The following XPNPEP3 variants were observed in gnomAD, a reference collection of about 807,000 sequenced individuals.
XPNPEP3 encodes xaa-Pro aminopeptidase 3.
XPNPEP3 carries 41 observed loss-of-function variants against 60.0 expected under a neutral mutation model. The ratio of observed to expected loss-of-function variants is 0.68; its 90% CI spans 0.53 to 0.89. The LOEUF (loss-of-function observed/expected upper bound fraction) is 0.89. Among genes scored for constraint, XPNPEP3 ranks in the 40% least tolerant of loss-of-function variants. The probability of loss-of-function intolerance (pLI) is 0.00; values close to 1 mark genes in which losing one functional copy is unlikely to be tolerated. For synonymous variants in XPNPEP3, 212 were observed against 223.2 expected (o/e 0.95, Z 0.45); for missense variants, 598 against 638.9 (o/e 0.94, Z 0.69).
chr22:40,898,765 G>A (rs1202534034), intron 4 of XPNPEP3, among the ~76,000 whole-genome samples: 1 of 152,054 alleles, frequency 6.6e-6, no homozygotes, highest in Non-Finnish European at 1.5e-5. Flanking sequence ...AGTTCATGCT[G>A]GTGGATGCCT....
In XPNPEP3 at chr22:40,907,636, T is replaced by G; in HGVS notation, c.842T>G (p.Phe281Cys). The G allele has an allele frequency of 6.2e-7, 1 of 1,613,980 alleles. No homozygotes were observed. The highest frequency in any genetic ancestry group is 1.3e-5 in the African/African-American group (1 of 75,040). The change falls in exon 5 of 10, where the codon TTT becomes TGT. Residue 281 changes from phenylalanine to cysteine, a missense_variant. Physicochemically the swap from Phe to Cys is radical, Grantham distance 205. Transcript: ENST00000357137. ...FTSKAPVEEAFLYAKFEFECR... is the reference protein window; with the variant it reads ...FTSKAPVEEACLYAKFEFECR... ...AGTAAAGCCCCTGTGGAAGAAGCCT[T>G]TCTTTATGCTAAGGTGAGATTCAGA... is the stretch of plus-strand genomic sequence containing the variant.
intron 2 of XPNPEP3, among the ~76,000 whole-genome samples, chr22:40,876,767 A>G (rs910943840): frequency 3.3e-5 from 5 of 152,240 alleles, no homozygotes; most frequent in African/African-American, 1.2e-4. Context: ...AAAAAATACT[A>G]TCTGGTAATA....
At chr22:40,910,895 C>G (rs914678157) in intron 6 of XPNPEP3, among the ~76,000 whole-genome samples, 3 of 152,090 alleles carry the variant, frequency 2.0e-5, no homozygotes, top group African/African-American at 7.2e-5. Flanking sequence ...GTAATCCCAG[C>G]TACTCAGGAG....
At chr22:40,869,571 A>G (rs1474951808) in intron 2 of XPNPEP3, among the ~76,000 whole-genome samples, 3 of 152,202 alleles carry the variant, frequency 2.0e-5, no homozygotes, top group East Asian at 3.8e-4. Context: ...ATTATAACCT[A>G]TTTCTATATA....
intron 6 of XPNPEP3, among the ~76,000 whole-genome samples, chr22:40,910,124 A>C (rs1263443711): frequency 6.6e-6 from 1 of 151,642 alleles, no homozygotes; most frequent in African/African-American, 2.4e-5. Flanking sequence ...TATACAGCAT[A>C]ATTAAAAAAA....
At chr22:40,900,737 T>C (rs554617046) in intron 4 of XPNPEP3, among the ~76,000 whole-genome samples, 1 of 152,298 alleles carries the variant, frequency 6.6e-6, no homozygotes, top group East Asian at 1.9e-4. Flanking sequence ...GAGACCAGCC[T>C]GGGCAACATG....
At chr22:40,922,221 A>G (rs904905042) in intron 7 of XPNPEP3, 112 bp from the exon 8 acceptor site, 14 of 1,287,760 alleles carry the variant, frequency 1.1e-5, no homozygotes, top group South Asian at 1.3e-5. Context: ...TTAAACATCA[A>G]CAGTGCCCCA....
chr22:40,864,684 A>T (rs1277069281), intron 1 of XPNPEP3, among the ~76,000 whole-genome samples: 1 of 152,142 alleles, frequency 6.6e-6, no homozygotes, highest in East Asian at 1.9e-4. Flanking sequence ...ACCTCAGGTG[A>T]TCTGCCCGCC....
chr22:40,859,133 C>T (rs2057925393), intron 1 of XPNPEP3, among the ~76,000 whole-genome samples: 1 of 152,074 alleles, frequency 6.6e-6, no homozygotes, highest in Non-Finnish European at 1.5e-5. Context: ...ACCATGGACC[C>T]CTTTTCTGTG....
In XPNPEP3 at chr22:40,927,566, TAAAAA is replaced by T. The variant is rs1473205831; in HGVS notation, c.*1132_*1136del. ...TCTTAATGATGACTTCAAAAATTAA[TAAAAA>T]GAAAAGAAAAAAATGATTTCTGGCC... On this transcript the variant is annotated 3_prime_UTR_variant, in exon 10 of 10. Transcript: ENST00000357137. 6.6e-6 allele frequency: 1 copy of T among 151,766 alleles called. No individual in the cohort carries two copies. Among genetic ancestry groups the T allele is most frequent in the Non-Finnish European group, 1.5e-5 (1 of 67,972 alleles). The allele number at this position is 151,766 out of a possible 1,614,324, so 9.4% of individuals were successfully genotyped here. A position where few individuals can be genotyped will look rare whatever the true frequency, so the allele number is the denominator to read the frequency against.
At chr22:40,912,102 TTTATG>T (rs2058179307) in intron 6 of XPNPEP3, among the ~76,000 whole-genome samples, 2 of 152,178 alleles carry the variant, frequency 1.3e-5, no homozygotes, top group African/African-American at 4.8e-5. Flanking sequence ...AAAAATGTTA[TTTATG>T]TTAACATGTA....
At chr22:40,888,490 C>A in intron 4 of XPNPEP3, 1 of 380,520 alleles carries the variant, frequency 2.6e-6, no homozygotes, top group Non-Finnish European at 5.4e-6. Flanking sequence ...GCAGTCCGCC[C>A]ACCTTGACCT....
chr22:40,898,057 C>G (rs1189841263), intron 4 of XPNPEP3, among the ~76,000 whole-genome samples: 1 of 151,658 alleles, frequency 6.6e-6, no homozygotes, highest in Non-Finnish European at 1.5e-5. Flanking sequence ...TCATAGCGTC[C>G]TTTAATGCTC....
At chr22:40,867,984 T>G (rs191386103) in intron 1 of XPNPEP3, among the ~76,000 whole-genome samples, 1 of 151,196 alleles carries the variant, frequency 6.6e-6, no homozygotes. Context: ...TATGTGTGAA[T>G]CCACTGTTGC....
intron 1 of XPNPEP3, among the ~76,000 whole-genome samples, chr22:40,857,646 C>T (rs973195154): frequency 3.3e-5 from 5 of 152,256 alleles, no homozygotes; most frequent in African/African-American, 7.2e-5. Flanking sequence ...ATTCTTTCAG[C>T]AGCTCCTCTT....
intron 4 of XPNPEP3, among the ~76,000 whole-genome samples, chr22:40,896,386 C>G (rs2058108160): frequency 6.6e-6 from 1 of 152,022 alleles, no homozygotes; most frequent in Non-Finnish European, 1.5e-5. Flanking sequence ...TCATTTTAGG[C>G]CTAGCACGGT....
intron 2 of XPNPEP3, among the ~76,000 whole-genome samples, chr22:40,878,805 CTT>C (rs1458715869): frequency 6.6e-6 from 1 of 152,042 alleles, no homozygotes; most frequent in Non-Finnish European, 1.5e-5. Context: ...CCAGACTGGC[CTT>C]GAACTCCTGA....
intron 7 of XPNPEP3, among the ~76,000 whole-genome samples, chr22:40,918,314 C>T (rs1268517963): frequency 3.3e-5 from 5 of 152,094 alleles, no homozygotes; most frequent in East Asian, 3.9e-4. Flanking sequence ...TTTTTGGTTA[C>T]GGTGAACTAT....
At chr22:40,899,339 C>T (rs1391664756) in intron 4 of XPNPEP3, among the ~76,000 whole-genome samples, 1 of 152,192 alleles carries the variant, frequency 6.6e-6, no homozygotes, top group Non-Finnish European at 1.5e-5. Context: ...ACTAACCAAA[C>T]TATTGAATAT....
Sources: allele counts gnomAD v4.1 joint callset (sites outside exome capture counted in the v4.1 genomes callset), GRCh38; gene constraint gnomAD v4.1.1; transcripts MANE v1.5; gene names NCBI Gene and HGNC (gene_info 2026-07-23, HGNC 2026-07-21).